EXOC6B: variants seen among roughly 807,000 people sequenced by gnomAD.
EXOC6B encodes the protein exocyst complex component 6B, also known as SEC15 homolog B.
EXOC6B carries 54 observed loss-of-function variants against 113.5 expected under a neutral mutation model. The ratio of observed to expected loss-of-function variants is 0.48; its 90% CI spans 0.38 to 0.60. The LOEUF is 0.60. EXOC6B is among the 20% of genes least tolerant of loss of function. The pLI, the probability that EXOC6B is intolerant of heterozygous loss-of-function variation, is 0.00. For synonymous variants in EXOC6B, 357 were observed against 339.0 expected (o/e 1.05, Z -0.58); for missense variants, 797 against 977.5 (o/e 0.82, Z 2.46).
chr2:72,721,668 C>T (rs1356307238), intron 5 of EXOC6B: 1 of 151,606 alleles, frequency 6.6e-6, no homozygotes, highest in Non-Finnish European at 1.5e-5. Flanking sequence ...ATGTATAAGC[C>T]TCTTGAATTA....
intron 1 of EXOC6B, among the ~76,000 whole-genome samples, chr2:72,785,140 C>A (rs1178535132): frequency 6.6e-6 from 1 of 152,182 alleles, no homozygotes; most frequent in Non-Finnish European, 1.5e-5. Flanking sequence ...GGTCTCACAT[C>A]CAAGTCACAC....
At chr2:72,300,094 TC>T (rs1330350817) in intron 20 of EXOC6B, among the ~76,000 whole-genome samples, 1 of 152,106 alleles carries the variant, frequency 6.6e-6, no homozygotes, top group African/African-American at 2.4e-5. Context: ...CAGGCAGGGA[TC>T]TTTAAGTCTG....
intron 20 of EXOC6B, among the ~76,000 whole-genome samples, chr2:72,281,506 T>A (rs1685130307): frequency 6.6e-6 from 1 of 151,824 alleles, no homozygotes. Flanking sequence ...TAGTTAAAAC[T>A]AAGAATATAG....
chr2:72,422,322 T>TATA (rs1243011830), intron 18 of EXOC6B, among the ~76,000 whole-genome samples: 1 of 152,252 alleles, frequency 6.6e-6, no homozygotes, highest in African/African-American at 2.4e-5. Flanking sequence ...GAGTCTTTAT[T>TATA]ATCTAGCTCA....
intron 20 of EXOC6B, among the ~76,000 whole-genome samples, chr2:72,327,631 G>C (rs2104852771): frequency 6.6e-6 from 1 of 152,098 alleles, no homozygotes; most frequent in East Asian, 1.9e-4. Flanking sequence ...GCTCTGTTTG[G>C]ATATTATTTC....
At chr2:72,314,351 T>C (rs1408460374) in intron 20 of EXOC6B, among the ~76,000 whole-genome samples, 4 of 152,194 alleles carry the variant, frequency 2.6e-5, no homozygotes, top group African/African-American at 4.8e-5. Context: ...ACTTTTCCAA[T>C]TGGAGTCAGT....
chr2:72,589,005 AT>A (rs1705758238), intron 6 of EXOC6B, among the ~76,000 whole-genome samples: 1 of 152,024 alleles, frequency 6.6e-6, no homozygotes, highest in South Asian at 2.1e-4. Context: ...AAAGTAAAAA[AT>A]TAAAAGAATT....
intron 1 of EXOC6B, among the ~76,000 whole-genome samples, chr2:72,766,612 A>T (rs1185622977): frequency 6.6e-6 from 1 of 152,140 alleles, no homozygotes; most frequent in African/African-American, 2.4e-5. Context: ...GGGTTTTTAA[A>T]ATTCCGAACT....
chr2:72,653,129 C>T (rs937312135), intron 6 of EXOC6B, among the ~76,000 whole-genome samples: 6 of 151,624 alleles, frequency 4.0e-5, no homozygotes, highest in Non-Finnish European at 5.9e-5. Flanking sequence ...CGGCTCTATT[C>T]GCAATAGCAA....
At chr2:72,370,559 A>C (rs542410006) in intron 19 of EXOC6B, among the ~76,000 whole-genome samples, 1 of 152,196 alleles carries the variant, frequency 6.6e-6, no homozygotes, top group Non-Finnish European at 1.5e-5. Context: ...AGACACATGC[A>C]CATGTATGTT....
chr2:72,353,294 T>C (rs1041834503), intron 19 of EXOC6B, among the ~76,000 whole-genome samples: 1 of 147,948 alleles, frequency 6.8e-6, no homozygotes, highest in Non-Finnish European at 1.5e-5. Flanking sequence ...AATGCTTCTA[T>C]GTGTTTTCAA....
chr2:72,271,438 GAGA>G, intron 20 of EXOC6B, among the ~76,000 whole-genome samples: 1 of 152,146 alleles, frequency 6.6e-6, no homozygotes, highest in South Asian at 2.1e-4. Flanking sequence ...TTTCACAATA[GAGA>G]AGGATGATCT....
chr2:72,495,002 T>C (rs1346510440), intron 15 of EXOC6B, among the ~76,000 whole-genome samples: 1 of 152,142 alleles, frequency 6.6e-6, no homozygotes, highest in African/African-American at 2.4e-5. Flanking sequence ...TTAAGTAGAA[T>C]GTCAAAATCA....
intron 20 of EXOC6B, among the ~76,000 whole-genome samples, chr2:72,278,825 A>G (rs1267664161): frequency 6.6e-6 from 1 of 152,182 alleles, no homozygotes; most frequent in East Asian, 1.9e-4. Context: ...GTTAAAGGAG[A>G]CATACAAAAG....
chr2:72,466,996 G>A (rs748473294), intron 17 of EXOC6B, among the ~76,000 whole-genome samples: 1 of 152,002 alleles, frequency 6.6e-6, no homozygotes. Context: ...AAACTCCCCA[G>A]CCATATTCCC....
At chr2:72,257,714 T>C (rs921753986) in intron 20 of EXOC6B, among the ~76,000 whole-genome samples, 2 of 152,184 alleles carry the variant, frequency 1.3e-5, no homozygotes, top group African/African-American at 4.8e-5. Context: ...GCCTTCCTAT[T>C]CTGAGGAAGA....
At chr2:72,508,324 T>G (rs1370912265) in intron 11 of EXOC6B, among the ~76,000 whole-genome samples, 1 of 152,128 alleles carries the variant, frequency 6.6e-6, no homozygotes, top group East Asian at 1.9e-4. Context: ...ATCTACAGAT[T>G]TACTGCACAA....
Position 72,182,114 on chromosome 2 carries a change from G to T in EXOC6B, c.2309+1961C>A, listed in dbSNP as rs527236840. On this transcript the variant is annotated intron_variant, in intron 21 of 21. Transcript: ENST00000272427. ...CCTATGAGGCTGGGAGATACGGATT[G>T]TAGTGATCTGGATGCCCTTTGCTCT... 1.6e-4 allele frequency among the ~76,000 whole-genome samples: 25 copies of T among 152,318 alleles called. No homozygotes were observed. The East Asian group carries it at 4.1e-3, about 25-fold the overall frequency.
At chr2:72,663,759 A>G (rs1440243766) in intron 6 of EXOC6B, among the ~76,000 whole-genome samples, 1 of 152,220 alleles carries the variant, frequency 6.6e-6, no homozygotes, top group Non-Finnish European at 1.5e-5. Context: ...AAACTATTCC[A>G]TAATATTGCT....
Sources: allele counts gnomAD v4.1 joint callset (sites outside exome capture counted in the v4.1 genomes callset), GRCh38; gene constraint gnomAD v4.1.1; transcripts MANE v1.5; gene names NCBI Gene and HGNC (gene_info 2026-07-23, HGNC 2026-07-21).